SSB: variants seen among roughly 807,000 people sequenced by gnomAD.
SSB encodes small RNA binding exonuclease protection factor La.
SSB carries 17 observed loss-of-function variants against 52.9 expected under a neutral mutation model. The ratio of observed to expected loss-of-function variants is 0.32; its 90% CI spans 0.22 to 0.48. SSB has a LOEUF of 0.48. SSB is among the 20% of genes least tolerant of loss of function. SSB has a pLI of 0.99. For missense variants in SSB, 314 were observed against 463.6 expected, an observed-to-expected ratio of 0.68 and a Z score of 2.96; for synonymous variants, 111 against 152.1, an observed-to-expected ratio of 0.73 and a Z score of 1.99.
intron 2 of SSB, among the ~76,000 whole-genome samples, chr2:169,802,126 A>G (rs1254480881): frequency 6.6e-6 from 1 of 152,116 alleles, no homozygotes; most frequent in Non-Finnish European, 1.5e-5. Context: ...TAGAGGCTGC[A>G]GTGGCTGTGA....
intron 2 of SSB, among the ~76,000 whole-genome samples, chr2:169,803,534 G>T (rs1228796413): frequency 6.6e-6 from 1 of 152,096 alleles, no homozygotes; most frequent in Non-Finnish European, 1.5e-5. Flanking sequence ...ACAGGCATGA[G>T]CTATTGCGCT....
intron 11 of SSB, 130 bp downstream of exon 11, chr2:169,811,453 G>A (rs1261913922): frequency 3.1e-6 from 4 of 1,304,862 alleles, no homozygotes; most frequent in Non-Finnish European, 4.1e-6. Context: ...GATTATTAAC[G>A]ATTTACCTCG....
chr2:169,799,091 C>G (rs1689645114), intron 1 of SSB, 115 bp downstream of exon 1: 1 of 152,118 alleles, frequency 6.6e-6, no homozygotes, highest in Non-Finnish European at 1.5e-5. Context: ...CCCTCGCCTT[C>G]CTCACGTTCA....
chr2:169,810,557 A>G, intron 9 of SSB, 134 bp downstream of exon 9: 2 of 816,332 alleles, frequency 2.4e-6, no homozygotes, highest in South Asian at 1.8e-5. Flanking sequence ...TATTGCCACT[A>G]GATGTGATGT....
At chr2:169,800,409 C>T (rs568866952) in intron 1 of SSB, among the ~76,000 whole-genome samples, 18 of 151,748 alleles carry the variant, frequency 1.2e-4, no homozygotes, top group Admixed American at 2.0e-4. Flanking sequence ...TGGTGGTGGG[C>T]GCCTGTAATC....
chr2:169,808,589 T>C, intron 7 of SSB, 36 bp downstream of exon 7: 1 of 1,553,938 alleles, frequency 6.4e-7, no homozygotes, highest in Non-Finnish European at 8.9e-7. Flanking sequence ...ATAATTTGAA[T>C]TCCTTAAAGC....
rs1189909826 is a variant in SSB, at chr2:169,807,547, C to T, written c.554+476C>T. Among the ~76,000 whole-genome samples the T allele has an allele frequency of 7.9e-5, 12 of 152,218 alleles. No individual in the cohort carries two copies. In the East Asian group the frequency reaches 2.3e-3, roughly 29 times the overall value. ...CAGATCATCCGCCTGCCTTGGCCTC[C>T]CAAAGTGTTGGGACTACAGGCGTGA... On this transcript the variant is annotated intron_variant, in intron 6 of 11. Transcript: ENST00000260956.
At chr2:169,807,735 G>GTTTTTT (rs1381544554) in intron 6 of SSB, among the ~76,000 whole-genome samples, 2 of 50,696 alleles carry the variant, frequency 3.9e-5, no homozygotes, top group Admixed American at 2.5e-4. Flanking sequence ...TAGCCTATAT[G>GTTTTTT]TCTTTTTTTT....
chr2:169,804,737 G>T (rs564804786), intron 2 of SSB, among the ~76,000 whole-genome samples: 1 of 151,986 alleles, frequency 6.6e-6, no homozygotes, highest in Admixed American at 6.6e-5. Flanking sequence ...GTAGAGACGG[G>T]GTTTGACCAT....
chr2:169,804,388 C>T (rs567769121), intron 2 of SSB, among the ~76,000 whole-genome samples: 11 of 151,422 alleles, frequency 7.3e-5, no homozygotes, highest in South Asian at 6.3e-4. Context: ...ACTAGAGGCA[C>T]GTACCTCTAT....
At chr2:169,800,800 T>A (rs1689697503) in intron 1 of SSB, among the ~76,000 whole-genome samples, 152 bp from the exon 2 acceptor site, 1 of 152,240 alleles carries the variant, frequency 6.6e-6, no homozygotes, top group African/African-American at 2.4e-5. Flanking sequence ...TTTGTTGAGA[T>A]ATTTGAGAAC....
At position 169,807,082 on chromosome 2, in the gene SSB, T is replaced by C; in HGVS notation, c.554+11T>C. On this transcript the variant is annotated intron_variant, in intron 6 of 11. Coordinates refer to ENST00000260956, the MANE Select transcript of SSB (RefSeq NM_003142.5). The stretch of plus-strand genomic sequence containing the variant: ...GCTAATACTTTTCAAGTAAGTCTTT[T>C]TGCTGATGTTTCTCCTGGCCTTTTA... 3.1e-6 allele frequency: 5 copies of C among 1,609,738 alleles called. No individual in the cohort carries two copies. The highest frequency in any genetic ancestry group is 4.2e-6 in the Non-Finnish European group (5 of 1,176,612).
intron 6 of SSB, among the ~76,000 whole-genome samples, chr2:169,808,019 T>C (rs368416896): frequency 1.4e-4 from 22 of 152,188 alleles, no homozygotes; most frequent in Admixed American, 9.2e-4. Context: ...TATGTTATTG[T>C]TGGATCTTGG....
chr2:169,808,978 T>C, intron 8 of SSB, 76 bp downstream of exon 8: 1 of 1,177,590 alleles, frequency 8.5e-7, no homozygotes, highest in Non-Finnish European at 1.3e-6. Context: ...TGAGGACTTT[T>C]TCAAGAAAAT....
chr2:169,810,336 T>A lies in SSB; in HGVS notation c.723T>A (p.Asp241Glu). Residue 241 changes from aspartate (D) to glutamate (E), a missense_variant, in exon 9 of 12, where the codon GAT (aspartate) becomes GAA (glutamate). Coordinates refer to ENST00000260956, the MANE Select transcript of SSB (RefSeq NM_003142.5). ...TGCTGAAATTTTCGGGTGATTTAGA[T>A]GATCAGACCTGTAGAGAAGATTTAC... ...GCLLKFSGDLDDQTCREDLHI... is the reference protein window; with the variant it reads ...GCLLKFSGDLEDQTCREDLHI... 1 of 1,608,602 alleles carries A rather than the reference T, an allele frequency of 6.2e-7. No homozygotes were observed. Among genetic ancestry groups the A allele is most frequent in the Non-Finnish European group, 8.5e-7 (1 of 1,178,398 alleles).
chr2:169,807,737 CTTTTTTTTTTTT>C (rs55845251), intron 6 of SSB, among the ~76,000 whole-genome samples: 969 of 74,076 alleles, frequency 0.013, 21 homozygotes, highest in African/African-American at 0.046. Flanking sequence ...GCCTATATGT[CTTTTTTTTTTTT>C]TTTTTTTTTT....
chr2:169,808,120 C>G (rs73016458), intron 6 of SSB, among the ~76,000 whole-genome samples: 9,589 of 152,090 alleles, frequency 0.063, 437 homozygotes, highest in African/African-American at 0.14. Flanking sequence ...TTTCCCTATA[C>G]ATGAATGATA....
At chr2:169,800,608 A>G (rs545754559) in intron 1 of SSB, among the ~76,000 whole-genome samples, 42 of 151,628 alleles carry the variant, frequency 2.8e-4, no homozygotes, top group Non-Finnish European at 5.4e-4. Context: ...ATACAGATAG[A>G]TAGTTATCTG....
At chr2:169,804,203 T>C (rs1689772627) in intron 2 of SSB, among the ~76,000 whole-genome samples, 1 of 151,600 alleles carries the variant, frequency 6.6e-6, no homozygotes, top group Non-Finnish European at 1.5e-5. Context: ...ATATTGAGAG[T>C]TCCTCTATGC....
Sources: gnomAD v4.1 joint callset for allele counts (sites outside exome capture counted in the v4.1 genomes callset) on GRCh38, gnomAD v4.1.1 for gene constraint, MANE v1.5 for transcripts, NCBI Gene and HGNC (gene_info 2026-07-23, HGNC 2026-07-21) for gene names.